Variants in CIMAP1D observed in about 807,000 individuals in gnomAD.
CIMAP1D encodes CIMAP1 family member D.
the CIMAP1D span, among the ~76,000 whole-genome samples, chr19:483,452 C>T: frequency 1.3e-5 from 2 of 152,226 alleles, no homozygotes; most frequent in African/African-American, 2.4e-5. Context: ...CTCACCACTC[C>T]CCCAGGCATG....
At chr19:476,427 T>TGATCCACACACCTCGGC in the CIMAP1D span, among the ~76,000 whole-genome samples, 1 of 151,976 alleles carries the variant, frequency 6.6e-6, no homozygotes, top group Non-Finnish European at 1.5e-5. Flanking sequence ...TGACCTCAGG[T>TGATCCACACACCTCGGC]GATCCACACA....
chr19:479,422 G>C, the CIMAP1D span, among the ~76,000 whole-genome samples: 3 of 142,386 alleles, frequency 2.1e-5, no homozygotes, highest in East Asian at 2.1e-4. Context: ...GGGGGGGGGG[G>C]GGATGGAGTT....
the CIMAP1D span, among the ~76,000 whole-genome samples, chr19:483,815 C>T: frequency 7.9e-5 from 12 of 152,218 alleles, no homozygotes; most frequent in African/African-American, 9.6e-5. Context: ...CCCAGCTCCC[C>T]GGAAGCCCCT....
chr19:490,266 G>A, the CIMAP1D span: 1 of 289,036 alleles, frequency 3.5e-6, no homozygotes, highest in Non-Finnish European at 6.3e-6. Flanking sequence ...CGTCACAGTA[G>A]AATCACTTGA....
chr19:474,024 G>T, the CIMAP1D span, among the ~76,000 whole-genome samples: 1 of 152,004 alleles, frequency 6.6e-6, no homozygotes, highest in African/African-American at 2.4e-5. Flanking sequence ...TCACAGATGG[G>T]GAGACTGAGG....
the CIMAP1D span, among the ~76,000 whole-genome samples, chr19:473,412 A>C: frequency 1.1e-5 from 1 of 94,620 alleles, no homozygotes; most frequent in Admixed American, 1.3e-4. Flanking sequence ...CAGGTGGGGA[A>C]ACTGAGGCCC....
chr19:466,884 ATAGATGGCT>A, the CIMAP1D span, among the ~76,000 whole-genome samples: 1 of 87,362 alleles, frequency 1.1e-5, no homozygotes, highest in African/African-American at 4.4e-5. Context: ...GGACGGGTGG[ATAGATGGCT>A]GGGTGGAGGG....
chr19:472,609 G>A, the CIMAP1D span: 9 of 761,874 alleles, frequency 1.2e-5, no homozygotes, highest in African/African-American at 7.3e-5. Context: ...CCTCCATGGT[G>A]AGGATTGGGG....
At chr19:478,495 C>G in the CIMAP1D span, among the ~76,000 whole-genome samples, 1 of 151,648 alleles carries the variant, frequency 6.6e-6, no homozygotes, top group Non-Finnish European at 1.5e-5. Context: ...GGCCGGCAGC[C>G]TCGCCAGAAC....
chr19:477,583 C>A, the CIMAP1D span, among the ~76,000 whole-genome samples: 1 of 149,620 alleles, frequency 6.7e-6, no homozygotes, highest in East Asian at 2.0e-4. Context: ...CGAGACTCCA[C>A]GTCAAAATCA....
the CIMAP1D span, among the ~76,000 whole-genome samples, chr19:481,315 CGATGATGGAGAAG>C: frequency 1.0e-3 from 60 of 58,930 alleles, no homozygotes; most frequent in Non-Finnish European, 1.8e-3. Flanking sequence ...TGATGGAGAA[CGATGATGGAGAAG>C]GATGATGGAG....
At chr19:490,154 G>C in the CIMAP1D span, 1 of 376,124 alleles carries the variant, frequency 2.7e-6, no homozygotes. Context: ...TCAGGAGTTT[G>C]AGACCAGCCT....
the CIMAP1D span, chr19:464,129 C>A: frequency 5.7e-6 from 5 of 881,262 alleles, no homozygotes; most frequent in East Asian, 2.9e-4. Context: ...CAGGATCCTG[C>A]GGGGGGCGGG....
At chr19:474,739 G>A in the CIMAP1D span, 1 of 1,533,920 alleles carries the variant, frequency 6.5e-7, no homozygotes, top group Non-Finnish European at 8.8e-7. Flanking sequence ...CGCAGCTGAG[G>A]GTCCCCATGG....
At chr19:471,938 G>C in the CIMAP1D span, among the ~76,000 whole-genome samples, 1 of 151,958 alleles carries the variant, frequency 6.6e-6, no homozygotes, top group East Asian at 1.9e-4. Context: ...AGTAGAGATG[G>C]GGTTTCACTG....
chr19:485,204 T>TACAC, the CIMAP1D span, among the ~76,000 whole-genome samples: 9 of 151,298 alleles, frequency 5.9e-5, no homozygotes, highest in Non-Finnish European at 1.5e-5. Flanking sequence ...GTAACACACG[T>TACAC]ACACACACAC....
At chr19:466,111 GAATA>G in the CIMAP1D span, among the ~76,000 whole-genome samples, 2 of 146,136 alleles carry the variant, frequency 1.4e-5, no homozygotes, top group East Asian at 2.1e-4. Context: ...ATGTATGGGT[GAATA>G]GATGGGTGGG....
the CIMAP1D span, among the ~76,000 whole-genome samples, chr19:470,264 TG>T: frequency 6.7e-6 from 1 of 150,036 alleles, no homozygotes; most frequent in African/African-American, 2.5e-5. Context: ...TGGAGTGCAG[TG>T]GCACAGTCTC....
At chr19:488,470 C>G in the CIMAP1D span, among the ~76,000 whole-genome samples, 62,487 of 151,672 alleles carry the variant, frequency 0.41, 12,980 homozygotes, top group East Asian at 0.65. Flanking sequence ...TGCGGTGAGC[C>G]GAGATGGCGC....
Sources: gnomAD v4.1 joint callset for allele counts (sites outside exome capture counted in the v4.1 genomes callset) on GRCh38, gnomAD v4.1.1 for gene constraint, MANE v1.5 for transcripts, NCBI Gene and HGNC (gene_info 2026-07-23, HGNC 2026-07-21) for gene names.